The following KLF13 variants were observed in gnomAD, a reference collection of about 807,000 sequenced individuals.
KLF13 encodes KLF transcription factor 13.
In KLF13, 8 loss-of-function variants were observed where a neutral mutation model predicts 16.7. The observed-to-expected ratio is 0.48, with a 90% confidence interval of 0.28 to 0.87. The LOEUF (loss-of-function observed/expected upper bound fraction) is 0.87. Among genes scored for constraint, KLF13 ranks in the 40% least tolerant of loss-of-function variants. KLF13 has a pLI of 0.10. For missense variants in KLF13, 447 were observed against 452.2 expected (o/e 0.99, Z 0.10); for synonymous variants, 245 against 208.4 (o/e 1.18, Z -1.51).
At chr15:31,348,154 ACTC>A (rs1486106083) in intron 1 of KLF13, among the ~76,000 whole-genome samples, 3 of 151,850 alleles carry the variant, frequency 2.0e-5, no homozygotes, top group African/African-American at 7.3e-5. Context: ...AAAGGACGCC[ACTC>A]CTCCTCCCGT....
rs1316509526 is a variant in KLF13 at position 31,413,952 on chromosome 15, T to C, written n.117+20261T>C. ...CTATAACATATATGTGAAATATATT[T>C]GCCAATAACGTCACAAAGGTGGTAA... is the stretch of plus-strand genomic sequence containing the variant. On this transcript the variant is annotated intron_variant and non_coding_transcript_variant, in intron 1 of 1. Coordinates refer to the KLF13 transcript ENST00000558225. Among the ~76,000 whole-genome samples the C allele has an allele frequency of 3.9e-5, 6 of 152,332 alleles. No homozygotes were observed. The South Asian group carries it at 8.3e-4, about 21-fold the overall frequency.
intron 1 of KLF13, among the ~76,000 whole-genome samples, chr15:31,369,810 C>T (rs1029413951): frequency 6.6e-6 from 1 of 152,164 alleles, no homozygotes; most frequent in Admixed American, 6.5e-5. Flanking sequence ...AGGCCCTGTT[C>T]CTTTGTCTTC....
chr15:31,363,974 C>T (rs1001154603), intron 1 of KLF13, among the ~76,000 whole-genome samples: 3 of 152,190 alleles, frequency 2.0e-5, no homozygotes, highest in African/African-American at 7.2e-5. Context: ...GTCCTCATAA[C>T]ATGTATTGAC....
downstream of KLF13, among the ~76,000 whole-genome samples, chr15:31,380,582 C>T (rs993553211): frequency 2.0e-5 from 3 of 152,182 alleles, no homozygotes; most frequent in African/African-American, 7.2e-5. Context: ...TTGGGTTTGG[C>T]TGCAGAAGGT....
At chr15:31,333,557 T>C (rs544631773) in intron 1 of KLF13, among the ~76,000 whole-genome samples, 6 of 152,288 alleles carry the variant, frequency 3.9e-5, no homozygotes, top group South Asian at 2.1e-4. Context: ...CTTTCCTCCT[T>C]CTCTTTTTCT....
intron 1 of KLF13, among the ~76,000 whole-genome samples, chr15:31,435,192 G>A (rs116398014): frequency 0.016 from 2,447 of 152,190 alleles, 63 homozygotes; most frequent in African/African-American, 0.054. Context: ...GGGCTGTTCC[G>A]AGGGGCCTTT....
Position 31,357,821 on chromosome 15 carries a change from C to T in KLF13, c.578-14189C>T, listed in dbSNP as rs191571542. Among the ~76,000 whole-genome samples the T allele has an allele frequency of 1.6e-4, 25 of 152,318 alleles. 1 individual carries two copies. Among genetic ancestry groups the T allele is most frequent in the Admixed American group, 1.2e-3 (19 of 15,302 alleles). On this transcript the variant is annotated intron_variant, in intron 1 of 1. Transcript: ENST00000307145. ...CCCCCACCAACTGCACCCCCACCCC[C>T]GCCAGAGACTCCCGAGCCTTTGTGG...
intron 1 of KLF13, among the ~76,000 whole-genome samples, chr15:31,332,386 G>T (rs1373769474): frequency 6.6e-6 from 1 of 152,210 alleles, no homozygotes; most frequent in Non-Finnish European, 1.5e-5. Context: ...ACTCCCGCAC[G>T]CCTGGTGGCT....
chr15:31,404,893 G>C (rs983295830), downstream of KLF13, among the ~76,000 whole-genome samples: 1 of 152,226 alleles, frequency 6.6e-6, no homozygotes, highest in Admixed American at 6.5e-5. Context: ...GTGGAGCCTA[G>C]GGTCTTCACT....
intron 1 of KLF13, among the ~76,000 whole-genome samples, chr15:31,345,825 G>A (rs1351945564): frequency 6.6e-6 from 1 of 152,166 alleles, no homozygotes; most frequent in Admixed American, 6.5e-5. Flanking sequence ...GCCACACGAG[G>A]TCATATTTGC....
chr15:31,420,346 G>A (rs879196426), intron 1 of KLF13: 10 of 1,075,640 alleles, frequency 9.3e-6, no homozygotes, highest in Middle Eastern at 3.2e-4. Context: ...CTGGCACAGT[G>A]TATGAAGACC....
In KLF13 at chr15:31,372,284, G is replaced by A. The variant is rs763271362; in HGVS notation, c.852G>A (p.Pro284=). The change falls in exon 2 of 2, where the codon CCG becomes CCA. Residue 284 remains proline (P), a synonymous_variant. Transcript: ENST00000307145. ...ACGCCAGCAGCCCCACCATCAGCCC[G>A]GCCAGCTCGCCCTGAGCCCGCCACA... ...RSDASSPTIS[P]ASSP 12 of 1,480,782 alleles carry A rather than the reference G, an allele frequency of 8.1e-6. No individual in the cohort carries two copies. The highest frequency in any genetic ancestry group is 4.9e-5 in the East Asian group (2 of 40,488). 91.7% of individuals were successfully genotyped at this position (1,480,782 alleles called of 1,614,324 possible). A position where few individuals can be genotyped will look rare whatever the true frequency, so the allele number is the denominator to read the frequency against.
At chr15:31,344,322 C>T (rs2039078088) in intron 1 of KLF13, among the ~76,000 whole-genome samples, 2 of 152,208 alleles carry the variant, frequency 1.3e-5, no homozygotes, top group Admixed American at 6.5e-5. Flanking sequence ...AGCAGAGTGG[C>T]CTCCTTCACC....
At chr15:31,360,252 G>T (rs903389734) in intron 1 of KLF13, among the ~76,000 whole-genome samples, 3 of 152,234 alleles carry the variant, frequency 2.0e-5, no homozygotes, top group African/African-American at 7.2e-5. Flanking sequence ...AGGGAGGAAG[G>T]TGTGGGCACG....
intron 1 of KLF13, among the ~76,000 whole-genome samples, 156 bp downstream of exon 1, chr15:31,327,945 C>G (rs1179103918): frequency 6.8e-6 from 1 of 147,846 alleles, no homozygotes; most frequent in African/African-American, 2.4e-5. Flanking sequence ...CGACCCGCGG[C>G]TGGCCCCGCG....
At chr15:31,434,923 C>A (rs753558349) in intron 1 of KLF13, among the ~76,000 whole-genome samples, 1 of 152,224 alleles carries the variant, frequency 6.6e-6, no homozygotes, top group East Asian at 1.9e-4. Flanking sequence ...ACTGCAGACA[C>A]AAGTGCTGGC....
chr15:31,388,752 G>C (rs183356630), upstream of KLF13, among the ~76,000 whole-genome samples: 2 of 112,368 alleles, frequency 1.8e-5, no homozygotes, highest in Non-Finnish European at 3.7e-5. Context: ...ATACGAACAA[G>C]GTTAAAAAAT....
In KLF13 at chr15:31,383,134, GT is replaced by G. The variant is rs2039748412; in HGVS notation, n.224-52232del. ...CATCTCAACACCAGCAACACAAGGT[GT>G]TTTGGGAAAGTGGTTATTGCATGCT... On this transcript the variant is annotated intron_variant and non_coding_transcript_variant, in intron 1 of 1. Transcript: ENST00000558921. 2.0e-5 allele frequency among the ~76,000 whole-genome samples: 3 copies of G among 152,250 alleles called. No homozygotes were observed. In the South Asian group the frequency reaches 6.2e-4, roughly 32 times the overall value.
Position 31,429,979 on chromosome 15 carries a change from C to T in KLF13, n.118-5391C>T, listed in dbSNP as rs113189833. 6.0e-3 allele frequency among the ~76,000 whole-genome samples: 916 copies of T among 152,148 alleles called. 13 individuals are homozygous for T. Among genetic ancestry groups the T allele is most frequent in the African/African-American group, 0.021 (855 of 41,496 alleles). On this transcript the variant is annotated intron_variant and non_coding_transcript_variant, in intron 1 of 1. Coordinates refer to the KLF13 transcript ENST00000558225. ...TCGATCTCCTGACCTTGTGACCGCC[C>T]GCCTTGGCCTCCCAAAGTGCTGGGA...
Sources: gnomAD v4.1 joint callset for allele counts (sites outside exome capture counted in the v4.1 genomes callset) on GRCh38, gnomAD v4.1.1 for gene constraint, MANE v1.5 for transcripts, NCBI Gene and HGNC (gene_info 2026-07-23, HGNC 2026-07-21) for gene names.